The following MAD1L1 variants were observed in gnomAD, a reference collection of about 807,000 sequenced individuals.
MAD1L1 encodes the protein mitotic arrest deficient 1 like 1.
A neutral mutation model predicts 96.9 loss-of-function variants in MAD1L1; 95 were observed. The ratio of observed to expected loss-of-function variants is 0.98; its 90% CI spans 0.83 to 1.16. MAD1L1 has a LOEUF of 1.16. Ranked by LOEUF, MAD1L1 falls within the 50% of genes most tolerant of loss-of-function variation. The probability of loss-of-function intolerance (pLI) is 0.00; values close to 1 mark genes in which losing one functional copy is unlikely to be tolerated. For synonymous variants in MAD1L1, 473 were observed against 396.6 expected, an observed-to-expected ratio of 1.19 and a Z score of -2.29; for missense variants, 1,007 against 954.4, an observed-to-expected ratio of 1.06 and a Z score of -0.73.
rs1783443571 is a variant in MAD1L1 at position 2,036,507 on chromosome 7, CG to C, written c.1219-21866del. ...GTCTGAGGAGGACAATCCATCCGGT[CG>C]TGAGTTTGGACTCTTCCTACACACA... On this transcript the variant is annotated intron_variant, in intron 12 of 18. Coordinates refer to ENST00000265854, the MANE Select transcript of MAD1L1 (RefSeq NM_001013836.2). 4.6e-5 allele frequency among the ~76,000 whole-genome samples: 7 copies of C among 152,298 alleles called. No individual in the cohort carries two copies. In the South Asian group the frequency reaches 1.5e-3, roughly 32 times the overall value.
intron 18 of MAD1L1, among the ~76,000 whole-genome samples, chr7:1,837,777 G>A (rs1444076525): frequency 6.6e-6 from 1 of 152,248 alleles, no homozygotes; most frequent in Non-Finnish European, 1.5e-5. Flanking sequence ...GCTGCCTGGG[G>A]TCGGGTTGCA....
In MAD1L1 at chr7:2,144,446, G is replaced by A. The variant is rs992950834; in HGVS notation, c.1073+4706C>T. 2.6e-5 allele frequency among the ~76,000 whole-genome samples: 4 copies of A among 152,306 alleles called. 1 individual carries two copies. The South Asian group carries it at 6.2e-4, about 24-fold the overall frequency. On this transcript the variant is annotated intron_variant, in intron 11 of 18. Transcript: ENST00000265854. ...ACGGTCTTATTTCCAGCACAGCAGA[G>A]AAACCGCCAAGAGCATGGCCCCACG...
At position 1,982,312 on chromosome 7, in the gene MAD1L1, G is replaced by A. The variant is rs1350248427; in HGVS notation, c.1417-1771C>T. Among the ~76,000 whole-genome samples the A allele has an allele frequency of 5.3e-5, 8 of 152,192 alleles. No homozygotes were observed. In the East Asian group the frequency reaches 1.2e-3, roughly 22 times the overall value. On this transcript the variant is annotated intron_variant, in intron 14 of 18. Transcript: ENST00000265854. ...CTCACTGCAGCTCCCAGGTTCAAGC[G>A]ATTCTCCTGCCTCAGCCTCCCAAGT...
chr7:2,023,170 G>A (rs754422097), intron 12 of MAD1L1, among the ~76,000 whole-genome samples: 4 of 152,122 alleles, frequency 2.6e-5, no homozygotes, highest in Non-Finnish European at 4.4e-5. Context: ...GAATTCAATA[G>A]CCCCATCAAT....
At chr7:2,009,726 G>A (rs1297772958) in intron 13 of MAD1L1, among the ~76,000 whole-genome samples, 1 of 152,168 alleles carries the variant, frequency 6.6e-6, no homozygotes, top group African/African-American at 2.4e-5. Context: ...GGGGGTGGAC[G>A]CCCAGGCCCT....
At chr7:1,829,996 T>G (rs1182853210) in intron 18 of MAD1L1, among the ~76,000 whole-genome samples, 1 of 152,160 alleles carries the variant, frequency 6.6e-6, no homozygotes, top group Non-Finnish European at 1.5e-5. Flanking sequence ...AATAAAGACT[T>G]CTTCAGGTGT....
intron 18 of MAD1L1, chr7:1,847,062 G>A: frequency 2.9e-6 from 1 of 344,296 alleles, no homozygotes; most frequent in South Asian, 2.2e-5. Context: ...TTGGCCCCAA[G>A]AATGGAATAC....
intron 11 of MAD1L1, among the ~76,000 whole-genome samples, chr7:2,148,935 T>C (rs904952739): frequency 6.6e-6 from 1 of 152,156 alleles, no homozygotes; most frequent in Non-Finnish European, 1.5e-5. Flanking sequence ...GTCAGAACGA[T>C]GGACGGTGGT....
chr7:2,032,592 T>G (rs1440663463), intron 12 of MAD1L1, among the ~76,000 whole-genome samples: 1 of 152,222 alleles, frequency 6.6e-6, no homozygotes, highest in African/African-American at 2.4e-5. Flanking sequence ...CCTTCAGAGC[T>G]GTGCTGGGCT....
intron 18 of MAD1L1, among the ~76,000 whole-genome samples, chr7:1,853,231 T>C (rs1251974184): frequency 3.3e-5 from 5 of 152,186 alleles, no homozygotes; most frequent in Admixed American, 6.5e-5. Context: ...CACTGCTGAC[T>C]GTGGGAACTT....
At chr7:2,009,048 C>T (rs945247235) in intron 13 of MAD1L1, among the ~76,000 whole-genome samples, 14 of 152,200 alleles carry the variant, frequency 9.2e-5, no homozygotes, top group African/African-American at 1.7e-4. Flanking sequence ...ACCCTGGCAC[C>T]GAGTGACCAG....
At chr7:2,080,882 C>A (rs1295710870) in intron 11 of MAD1L1, among the ~76,000 whole-genome samples, 1 of 152,240 alleles carries the variant, frequency 6.6e-6, no homozygotes, top group African/African-American at 2.4e-5. Context: ...GGGAGAGTGG[C>A]ATTCCAGGGG....
intron 18 of MAD1L1, among the ~76,000 whole-genome samples, chr7:1,886,516 G>A (rs528947048): frequency 1.3e-5 from 2 of 152,350 alleles, no homozygotes; most frequent in South Asian, 2.1e-4. Flanking sequence ...AAGAATGGGC[G>A]GCTGAGTGGG....
chr7:2,220,547 G>A (rs550473926), intron 5 of MAD1L1, among the ~76,000 whole-genome samples: 1 of 152,228 alleles, frequency 6.6e-6, no homozygotes, highest in Non-Finnish European at 1.5e-5. Flanking sequence ...CACGCACCCA[G>A]GACAGGACAA....
chr7:2,165,907 GC>G (rs1466665893), intron 10 of MAD1L1, among the ~76,000 whole-genome samples: 2 of 152,178 alleles, frequency 1.3e-5, no homozygotes, highest in Non-Finnish European at 2.9e-5. Flanking sequence ...AGAATGACCG[GC>G]CCCCAGGGTA....
chr7:1,883,457 T>C (rs1268287130), intron 18 of MAD1L1, among the ~76,000 whole-genome samples: 1 of 152,178 alleles, frequency 6.6e-6, no homozygotes, highest in East Asian at 1.9e-4. Context: ...GGGCTGCCCA[T>C]GCCCGCAGGA....
At chr7:1,921,324 T>A (rs964894003) in intron 17 of MAD1L1, among the ~76,000 whole-genome samples, 1 of 152,124 alleles carries the variant, frequency 6.6e-6, no homozygotes, top group Admixed American at 6.5e-5. Flanking sequence ...TTCTTTTTTT[T>A]TTTTTCTTTT....
chr7:2,063,545 C>T (rs1219381173), intron 12 of MAD1L1, among the ~76,000 whole-genome samples: 2 of 152,252 alleles, frequency 1.3e-5, no homozygotes, highest in African/African-American at 4.8e-5. Flanking sequence ...CAGCGCTTGC[C>T]TCTGCTCCAT....
chr7:2,186,990 G>A (rs879529061), intron 10 of MAD1L1, among the ~76,000 whole-genome samples: 18 of 151,942 alleles, frequency 1.2e-4, no homozygotes, highest in Middle Eastern at 3.4e-3. Context: ...ACGAGGTTTC[G>A]CCATGTTGGC....
Sources: gnomAD v4.1 joint callset for allele counts (sites outside exome capture counted in the v4.1 genomes callset) on GRCh38, gnomAD v4.1.1 for gene constraint, MANE v1.5 for transcripts, NCBI Gene and HGNC (gene_info 2026-07-23, HGNC 2026-07-21) for gene names.